FHIT: variants seen among roughly 807,000 people sequenced by gnomAD.
The protein encoded by FHIT is fragile histidine triad diadenosine triphosphatase, also known as bis(5'-adenosyl)-triphosphatase.
A neutral mutation model predicts 17.9 loss-of-function variants in FHIT; 19 were observed. The ratio of observed to expected loss-of-function variants is 1.06; its 90% CI spans 0.74 to 1.56. FHIT has a LOEUF of 1.56. Ranked by LOEUF, FHIT falls within the 40% of genes most tolerant of loss-of-function variation. The probability of loss-of-function intolerance (pLI) is 0.00; values close to 1 mark genes in which losing one functional copy is unlikely to be tolerated. For missense variants in FHIT, 248 were observed against 189.2 expected, an observed-to-expected ratio of 1.31 and a Z score of -1.82; for synonymous variants, 81 against 69.7, an observed-to-expected ratio of 1.16 and a Z score of -0.81.
At chr3:61,003,588 T>C (rs901002002) in intron 3 of FHIT, among the ~76,000 whole-genome samples, 3 of 152,250 alleles carry the variant, frequency 2.0e-5, no homozygotes, top group African/African-American at 7.2e-5. Flanking sequence ...CCAGTGCTTA[T>C]CATTAATTAA....
chr3:60,521,256 A>AT (rs1406316980), intron 5 of FHIT, among the ~76,000 whole-genome samples: 1 of 79,986 alleles, frequency 1.3e-5, no homozygotes, highest in Non-Finnish European at 2.6e-5. Context: ...AAGTATTATT[A>AT]TTATTTTTTG....
At chr3:60,609,785 C>T (rs2038729224) in intron 4 of FHIT, among the ~76,000 whole-genome samples, 1 of 152,094 alleles carries the variant, frequency 6.6e-6, no homozygotes, top group Non-Finnish European at 1.5e-5. Context: ...TTCTTAGGTG[C>T]CAAGCAGAGT....
chr3:60,712,420 A>G (rs1453053982), intron 4 of FHIT, among the ~76,000 whole-genome samples: 1 of 152,026 alleles, frequency 6.6e-6, no homozygotes, highest in Admixed American at 6.6e-5. Context: ...AAATTCACAC[A>G]TAACAATATT....
At chr3:60,930,619 G>C (rs6770423) in intron 3 of FHIT, among the ~76,000 whole-genome samples, 91,602 of 152,002 alleles carry the variant, frequency 0.6, 27,930 homozygotes, top group East Asian at 0.73. Context: ...AAAAAATGCT[G>C]ATCATCACTG....
At chr3:60,221,468 A>G (rs9823838) in intron 5 of FHIT, among the ~76,000 whole-genome samples, 29,890 of 152,118 alleles carry the variant, frequency 0.2, 3,203 homozygotes, top group African/African-American at 0.27. Flanking sequence ...GCAACTATAG[A>G]CATCTGTGAA....
At chr3:61,215,136 T>C (rs1335453655) in intron 1 of FHIT, among the ~76,000 whole-genome samples, 5 of 151,838 alleles carry the variant, frequency 3.3e-5, no homozygotes, top group Admixed American at 6.6e-5. Context: ...CTATTCAACA[T>C]AGTGTTGGAA....
chr3:60,155,991 T>G (rs1480658155), intron 5 of FHIT, among the ~76,000 whole-genome samples: 4 of 152,184 alleles, frequency 2.6e-5, no homozygotes, highest in Admixed American at 6.5e-5. Flanking sequence ...GAGATTTCAT[T>G]TTAATTGTTG....
At chr3:60,303,814 G>T (rs1708547068) in intron 5 of FHIT, among the ~76,000 whole-genome samples, 1 of 152,010 alleles carries the variant, frequency 6.6e-6, no homozygotes, top group South Asian at 2.1e-4. Flanking sequence ...GTTTGTTATT[G>T]CATTATAACC....
rs576275512 is a variant in FHIT at position 60,566,030 on chromosome 3, T to C, written c.-17-29051A>G. On this transcript the variant is annotated intron_variant, in intron 4 of 9. Coordinates refer to ENST00000492590, the MANE Select transcript of FHIT (RefSeq NM_002012.4). Reference sequence around the variant, plus strand: ...CATTTTTTTATGTACCCAGTAGTCATTCAGGAGCACGTTGTTCAGTTTCCA... The same window carrying C: ...CATTTTTTTATGTACCCAGTAGTCACTCAGGAGCACGTTGTTCAGTTTCCA... Among the ~76,000 whole-genome samples the C allele has an allele frequency of 2.6e-5, 4 of 152,324 alleles. No individual in the cohort carries two copies. In the East Asian group the frequency reaches 5.8e-4, roughly 22 times the overall value.
intron 5 of FHIT, among the ~76,000 whole-genome samples, chr3:60,057,971 C>T (rs955330592): frequency 3.9e-5 from 6 of 151,928 alleles, no homozygotes; most frequent in South Asian, 2.1e-4. Flanking sequence ...GGACCTAGAC[C>T]GAACCCCTAG....
chr3:60,073,269 C>T (rs984895639), intron 5 of FHIT, among the ~76,000 whole-genome samples: 1 of 152,032 alleles, frequency 6.6e-6, no homozygotes, highest in South Asian at 2.1e-4. Flanking sequence ...TTTCCTGACC[C>T]CTTTAATATG....
chr3:59,759,111 G>A (rs920490891), intron 8 of FHIT, among the ~76,000 whole-genome samples: 4 of 151,868 alleles, frequency 2.6e-5, no homozygotes, highest in African/African-American at 7.3e-5. Context: ...TAAAGGGGCA[G>A]GAAGGAATAT....
chr3:60,100,320 G>C (rs1023319049), intron 5 of FHIT, among the ~76,000 whole-genome samples: 2 of 151,990 alleles, frequency 1.3e-5, no homozygotes, highest in Non-Finnish European at 2.9e-5. Flanking sequence ...GGAGGTGGAG[G>C]TTGCACTGAG....
chr3:60,705,500 TA>T (rs2041351066), intron 4 of FHIT, among the ~76,000 whole-genome samples: 1 of 152,190 alleles, frequency 6.6e-6, no homozygotes, highest in Non-Finnish European at 1.5e-5. Flanking sequence ...TGTACTTTTT[TA>T]AAAAATAGAA....
chr3:61,185,428 C>T (rs9875228), intron 2 of FHIT, among the ~76,000 whole-genome samples: 33,638 of 152,084 alleles, frequency 0.22, 4,836 homozygotes, highest in East Asian at 0.71. Flanking sequence ...AAGTGATCAT[C>T]ATCATACGAA....
intron 7 of FHIT, among the ~76,000 whole-genome samples, chr3:59,972,478 G>A (rs1708230422): frequency 1.3e-5 from 2 of 152,036 alleles, no homozygotes; most frequent in Admixed American, 1.3e-4. Flanking sequence ...TATGGGTCAG[G>A]GTTGATATTC....
chr3:60,962,887 T>G (rs1262210404), intron 3 of FHIT, among the ~76,000 whole-genome samples: 1 of 152,224 alleles, frequency 6.6e-6, no homozygotes, highest in East Asian at 1.9e-4. Context: ...GGTCTAAAAT[T>G]CTCTTATTTG....
At chr3:61,133,034 A>G (rs1028997852) in intron 2 of FHIT, among the ~76,000 whole-genome samples, 1 of 152,216 alleles carries the variant, frequency 6.6e-6, no homozygotes, top group Non-Finnish European at 1.5e-5. Flanking sequence ...ACTATAGTGC[A>G]TAGTGATGAA....
At chr3:60,460,813 A>G (rs976014554) in intron 5 of FHIT, among the ~76,000 whole-genome samples, 2 of 152,242 alleles carry the variant, frequency 1.3e-5, no homozygotes, top group Admixed American at 6.5e-5. Context: ...ACAATTCTCT[A>G]CATTTTAAAG....
Sources: gnomAD v4.1 joint callset for allele counts (sites outside exome capture counted in the v4.1 genomes callset) on GRCh38, gnomAD v4.1.1 for gene constraint, MANE v1.5 for transcripts, NCBI Gene and HGNC (gene_info 2026-07-23, HGNC 2026-07-21) for gene names.